The following TSC22D1 variants were observed in gnomAD, a reference collection of about 807,000 sequenced individuals.
TSC22D1 encodes TSC22 domain family protein 1.
In TSC22D1, 9 loss-of-function variants were observed where a neutral mutation model predicts 74.2. The observed-to-expected ratio is 0.12, with a 90% confidence interval of 0.07 to 0.21. The LOEUF (loss-of-function observed/expected upper bound fraction) is 0.21. Among genes scored for constraint, TSC22D1 ranks in the 10% least tolerant of loss-of-function variants. The pLI, the probability that TSC22D1 is intolerant of heterozygous loss-of-function variation, is 1.00. For synonymous variants in TSC22D1, 586 were observed against 492.5 expected, an observed-to-expected ratio of 1.19 and a Z score of -2.51; for missense variants, 1,427 against 1,304.7, an observed-to-expected ratio of 1.09 and a Z score of -1.44.
At chr13:44,569,815 A>C (rs1285184619) in intron 1 of TSC22D1, among the ~76,000 whole-genome samples, 1 of 152,230 alleles carries the variant, frequency 6.6e-6, no homozygotes, top group African/African-American at 2.4e-5. Flanking sequence ...GGGACAATAT[A>C]AACTTTAAAT....
chr13:44,498,140 A>G (rs1277884432), intron 1 of TSC22D1, among the ~76,000 whole-genome samples: 2 of 152,036 alleles, frequency 1.3e-5, no homozygotes, highest in Non-Finnish European at 2.9e-5. Context: ...TCTACAAAAA[A>G]ATACAAAATT....
At chr13:44,535,228 A>T (rs1881074056) in intron 1 of TSC22D1, among the ~76,000 whole-genome samples, 1 of 152,238 alleles carries the variant, frequency 6.6e-6, no homozygotes, top group East Asian at 1.9e-4. Context: ...CCTATGCCAT[A>T]CCTTACCTCT....
intron 1 of TSC22D1, among the ~76,000 whole-genome samples, chr13:44,517,449 T>C (rs1444100805): frequency 2.0e-5 from 3 of 152,070 alleles, no homozygotes; most frequent in Non-Finnish European, 4.4e-5. Context: ...AGAAATTATC[T>C]ACAATTGGCA....
At position 44,574,985 on chromosome 13, in the gene TSC22D1, A is replaced by G; in HGVS notation, c.1090T>C (p.Leu364=). 1 of 1,614,128 alleles carries G rather than the reference A, an allele frequency of 6.2e-7. No homozygotes were observed. Among genetic ancestry groups the G allele is most frequent in the African/African-American group, 1.3e-5 (1 of 75,048 alleles). Residue 364 remains leucine, a synonymous_variant, in exon 1 of 3, where the codon TTG becomes CTG. Coordinates refer to ENST00000458659, the MANE Select transcript of TSC22D1 (RefSeq NM_183422.4). The part of the protein sequence containing the change: ...GVTSGVNVNI[L]SGMGNGTISS... ...ATAGTACCATTGCCCATGCCACTCA[A>G]GATATTCACATTAACACCACTGGTA...
At chr13:44,489,650 ACCT>A (rs1878611018) in intron 1 of TSC22D1, among the ~76,000 whole-genome samples, 1 of 152,074 alleles carries the variant, frequency 6.6e-6, no homozygotes, top group Admixed American at 6.5e-5. Flanking sequence ...ACATAGCAAG[ACCT>A]CATCTCTATA....
intron 1 of TSC22D1, chr13:44,537,439 A>G (rs1441513614): frequency 1.0e-6 from 1 of 985,128 alleles, no homozygotes; most frequent in East Asian, 1.1e-4. Context: ...AGATTAAGAG[A>G]TTAAATCACT....
At chr13:44,456,654 T>C (rs896314030) in intron 1 of TSC22D1, among the ~76,000 whole-genome samples, 4 of 152,242 alleles carry the variant, frequency 2.6e-5, no homozygotes, top group South Asian at 4.1e-4. Context: ...ACAGAGACAG[T>C]GTAGGGAACT....
At chr13:44,467,600 C>G (rs568301929) in intron 1 of TSC22D1, among the ~76,000 whole-genome samples, 1 of 152,146 alleles carries the variant, frequency 6.6e-6, no homozygotes, top group South Asian at 2.1e-4. Context: ...ATAGATATTT[C>G]TCAAAAGAAG....
chr13:44,536,155 C>G (rs551631811), intron 1 of TSC22D1, among the ~76,000 whole-genome samples: 1 of 151,932 alleles, frequency 6.6e-6, no homozygotes, highest in Admixed American at 6.5e-5. Context: ...TATTCTAAAT[C>G]ATAACTGCCT....
chr13:44,438,403 G>C (rs986135791), intron 1 of TSC22D1, among the ~76,000 whole-genome samples: 1 of 152,122 alleles, frequency 6.6e-6, no homozygotes, highest in Admixed American at 6.5e-5. Context: ...GATCCATTTA[G>C]ACAGTTTTTA....
chr13:44,575,384 G>T lies in TSC22D1; in HGVS notation c.691C>A (p.His231Asn), dbSNP rs774044371. 2.5e-6 allele frequency: 4 copies of T among 1,613,992 alleles called. No individual in the cohort carries two copies. The Admixed American group carries it at 6.7e-5, about 27-fold the overall frequency. Residue 231 changes from histidine to asparagine, a missense_variant, in exon 1 of 3, where the codon CAC (histidine) becomes AAC (asparagine). Around this residue, in one of 3 missense-constraint regions of TSC22D1, gnomAD observed 1,343 missense variants for 1,191.5 expected, o/e 1.13. Coordinates refer to ENST00000458659, the MANE Select transcript of TSC22D1 (RefSeq NM_183422.4). ...GGATGGTGGTGACCATGTTGGAGGT[G>T]GTGCCCATGATGAATCTGATGGTGG... ...HHHHQIHHGH[H>N]LQHGHHHPSH...
At chr13:44,451,851 T>TA in intron 1 of TSC22D1, among the ~76,000 whole-genome samples, 1 of 152,252 alleles carries the variant, frequency 6.6e-6, no homozygotes, top group Admixed American at 6.5e-5. Context: ...TGCATGCCCG[T>TA]ATCTATCCCA....
At chr13:44,456,092 G>C (rs1051649743) in intron 1 of TSC22D1, among the ~76,000 whole-genome samples, 15 of 152,168 alleles carry the variant, frequency 9.9e-5, no homozygotes, top group African/African-American at 3.4e-4. Flanking sequence ...CTTCCCGTGG[G>C]TTGTTGGTCT....
intron 1 of TSC22D1, among the ~76,000 whole-genome samples, chr13:44,546,776 A>G (rs77673222): frequency 4.7e-4 from 42 of 89,342 alleles, no homozygotes; most frequent in South Asian, 7.1e-4. Context: ...GTGTGTGTGT[A>G]GGTATGTATG....
At chr13:44,503,866 G>T (rs776885644) in intron 1 of TSC22D1, among the ~76,000 whole-genome samples, 7 of 151,588 alleles carry the variant, frequency 4.6e-5, no homozygotes, top group Non-Finnish European at 8.8e-5. Flanking sequence ...ATTACAACTA[G>T]AAATACTTAA....
intron 1 of TSC22D1, among the ~76,000 whole-genome samples, chr13:44,563,774 C>G (rs530093684): frequency 3.3e-5 from 5 of 152,316 alleles, no homozygotes; most frequent in East Asian, 3.9e-4. Context: ...CAGGTACAGT[C>G]TAAGAAACAA....
rs1482485399 is a variant in TSC22D1 at position 44,575,479 on chromosome 13, G to C, written c.596C>G (p.Pro199Arg). The C allele has an allele frequency of 6.2e-7, 1 of 1,614,124 alleles. No homozygotes were observed. The highest frequency in any genetic ancestry group is 1.7e-5 in the Admixed American group (1 of 60,022). Reference sequence around the variant, plus strand: ...CTGTTGTGGAAGGTGAGGCAAATGAGGCTGAGGAAGGTGGGGCTGGTTGGG... The same window carrying C: ...CTGTTGTGGAAGGTGAGGCAAATGACGCTGAGGAAGGTGGGGCTGGTTGGG... The part of the protein sequence containing the change: ...VSPNQPHLPQ[P>R]HLPHLPQQNV... Residue 199 changes from proline (P) to arginine (R), a missense_variant, in exon 1 of 3, where the codon CCT becomes CGT. Pro to Arg is a moderately radical substitution (Grantham distance 103, BLOSUM62 -2). Coordinates refer to ENST00000458659, the MANE Select transcript of TSC22D1 (RefSeq NM_183422.4).
At chr13:44,566,027 G>GCATT (rs1432847537) in intron 1 of TSC22D1, among the ~76,000 whole-genome samples, 2 of 152,142 alleles carry the variant, frequency 1.3e-5, no homozygotes, top group Admixed American at 6.5e-5. Flanking sequence ...AATGTCTAAT[G>GCATT]CATTCCAGGC....
chr13:44,563,150 A>G (rs1224505687), intron 1 of TSC22D1, among the ~76,000 whole-genome samples: 4 of 151,836 alleles, frequency 2.6e-5, no homozygotes, highest in Non-Finnish European at 2.9e-5. Context: ...TCTTAAGGTT[A>G]TAACTGCTTA....
Sources: allele counts gnomAD v4.1 joint callset (sites outside exome capture counted in the v4.1 genomes callset), GRCh38; gene constraint gnomAD v4.1.1; regional missense constraint gnomAD v4.1.1; transcripts MANE v1.5; gene names NCBI Gene and HGNC (gene_info 2026-07-23, HGNC 2026-07-21).